The following MKNK2 variants were observed in gnomAD, a reference collection of about 807,000 sequenced individuals.
MKNK2 encodes MAP kinase-interacting serine/threonine-protein kinase 2.
In MKNK2, 54 loss-of-function variants were observed where a neutral mutation model predicts 55.0. The ratio of observed to expected loss-of-function variants is 0.98; its 90% CI spans 0.79 to 1.23. The LOEUF (loss-of-function observed/expected upper bound fraction) is 1.23, where lower values mean the gene tolerates loss of function less well. MKNK2 is among the 50% of genes most tolerant of loss of function. The pLI is 0.00. For synonymous variants in MKNK2, 323 were observed against 256.0 expected, an observed-to-expected ratio of 1.26 and a Z score of -2.50; for missense variants, 685 against 632.1, an observed-to-expected ratio of 1.08 and a Z score of -0.90.
In MKNK2 at chr19:2,038,038, C is replaced by A; in HGVS notation, c.*1575G>T. The A allele has an allele frequency of 7.7e-7, 1 of 1,291,074 alleles. No homozygotes were observed. The highest frequency in any genetic ancestry group is 2.0e-5 in the South Asian group (1 of 50,056). 80.0% of individuals were successfully genotyped at this position (1,291,074 alleles called of 1,614,324 possible). On this transcript the variant is annotated 3_prime_UTR_variant, in exon 14 of 14. Transcript: ENST00000250896. ...GGGTGGGCGGAATGCCCCACCCCCC[C>A]CAGGGGTCTTTGGAAGGGGCAGTCC...
chr19:2,038,667 G>GC lies in MKNK2; in HGVS notation c.*945dup. On this transcript the variant is annotated 3_prime_UTR_variant, in exon 14 of 14. Coordinates refer to ENST00000250896, the MANE Select transcript of MKNK2 (RefSeq NM_199054.3). ...GGAGCTTCCAGGTCAGGCCCGAGGG[G>GC]CGGCGCGAGGCAGGACGTGGCTACG... 1.0e-6 allele frequency: 1 copy of GC among 985,742 alleles called. No homozygotes were observed. Among genetic ancestry groups the GC allele is most frequent in the Non-Finnish European group, 1.2e-6 (1 of 830,130 alleles). The allele number at this position is 985,742 out of a possible 1,614,324, so 61.1% of individuals were successfully genotyped here.
Position 2,038,996 on chromosome 19 carries a change from G to T in MKNK2, c.*617C>A, listed in dbSNP as rs151164086. On this transcript the variant is annotated 3_prime_UTR_variant, in exon 14 of 14. Coordinates refer to ENST00000250896, the MANE Select transcript of MKNK2 (RefSeq NM_199054.3). Reference sequence around the variant, plus strand: ...CAACTATCATGGGGACAAGGCAGGCGCGGGTGAAGGGCTGGGGGATCCCAT... The same window carrying T: ...CAACTATCATGGGGACAAGGCAGGCTCGGGTGAAGGGCTGGGGGATCCCAT... 1,982 of 986,178 alleles carry T rather than the reference G, an allele frequency of 2.0e-3. 37 individuals carry two copies. The African/African-American group carries it at 0.031, about 16-fold the overall frequency. The allele number at this position is 986,178 out of a possible 1,614,324, so 61.1% of individuals were successfully genotyped here.
chr19:2,046,677 G>A lies in MKNK2; in HGVS notation c.66C>T (p.Phe22=), dbSNP rs202212307. The change falls in exon 3 of 14, where the codon TTC becomes TTT. Residue 22 remains phenylalanine, a synonymous_variant. Transcript: ENST00000250896. ...GCTGGTCTAGGGAGAAGGCCAGCTC[G>A]AAGGGGTTCTGCCCCTGCAGGGGAG... The part of the protein sequence containing the change: ...FHRSFKGQNP[F]ELAFSLDQPD... 40 of 1,535,054 alleles carry A rather than the reference G, an allele frequency of 2.6e-5. No homozygotes were observed. The East Asian group carries it at 5.0e-4, about 19-fold the overall frequency.
Position 2,037,933 on chromosome 19 carries a change from T to G in MKNK2, c.*1680A>C. The stretch of plus-strand genomic sequence containing the variant: ...TGCAGCGGGCGGGGGTCCATTTGCT[T>G]GTTCTTTGATACAAAAAGGCAGAGA... On this transcript the variant is annotated 3_prime_UTR_variant, in exon 14 of 14. Coordinates refer to ENST00000250896, the MANE Select transcript of MKNK2 (RefSeq NM_199054.3). The G allele has an allele frequency of 7.2e-7, 1 of 1,397,464 alleles. No homozygotes were observed. The highest frequency in any genetic ancestry group is 9.4e-7 in the Non-Finnish European group (1 of 1,062,220). 86.6% of individuals were successfully genotyped at this position (1,397,464 alleles called of 1,614,324 possible). A position where few individuals can be genotyped will look rare whatever the true frequency, so the allele number is the denominator to read the frequency against.
Position 2,041,899 on chromosome 19 carries a change from C to A in MKNK2, c.886G>T (p.Val296Leu). ...YILLSGYPPF[V>L]GRCGSDCGWD... ...CCGCAGTCGCTGCCACAGCGGCCCA[C>A]GAAGGGCGGGTAGCCGCTGAGTAGG... The change falls in exon 11 of 14, where the codon GTG becomes TTG. Residue 296 changes from valine (V) to leucine (L), a missense_variant. By Grantham distance (32) the Val-to-Leu change is conservative. Transcript: ENST00000250896. 27 of 1,544,782 alleles carry A rather than the reference C, an allele frequency of 1.7e-5. 1 individual carries two copies. The highest frequency in any genetic ancestry group is 2.4e-5 in the Non-Finnish European group (27 of 1,144,268).
intron 5 of MKNK2, among the ~76,000 whole-genome samples, 194 bp downstream of exon 5, chr19:2,045,992 C>T (rs1022363135): frequency 6.6e-6 from 1 of 152,238 alleles, no homozygotes. Context: ...GTGCCTCTGT[C>T]TGAAGCCCCC....
chr19:2,042,625 G>T lies in MKNK2; in HGVS notation c.636C>A (p.Leu212=), dbSNP rs1016560874. ...GGCCTACCTGGTTGGGGTGCTCACAGAGGATGTTTTCCGGCTTTAGGTCCC... is the reference window on the plus strand; with the variant it reads ...GGCCTACCTGGTTGGGGTGCTCACATAGGATGTTTTCCGGCTTTAGGTCCC... ...AHRDLKPENI[L]CEHPNQVSPV... Residue 212 remains leucine (L), a synonymous_variant, in exon 9 of 14, where the codon CTC becomes CTA. Coordinates refer to ENST00000250896, the MANE Select transcript of MKNK2 (RefSeq NM_199054.3). The T allele has an allele frequency of 6.4e-7, 1 of 1,565,260 alleles. No homozygotes were observed. Among genetic ancestry groups the T allele is most frequent in the African/African-American group, 1.3e-5 (1 of 74,220 alleles).
Position 2,038,058 on chromosome 19 carries a change from C to T in MKNK2, c.*1555G>A. ...CCCCCCCAGGGGTCTTTGGAAGGGG[C>T]AGTCCACAGATATGGGCAGTGGGGA... On this transcript the variant is annotated 3_prime_UTR_variant, in exon 14 of 14. Transcript: ENST00000250896. 2.4e-6 allele frequency: 3 copies of T among 1,257,668 alleles called. No individual in the cohort carries two copies. The highest frequency in any genetic ancestry group is 3.0e-6 in the Non-Finnish European group (3 of 988,922). 77.9% of individuals were successfully genotyped at this position (1,257,668 alleles called of 1,614,324 possible). A position where few individuals can be genotyped will look rare whatever the true frequency, so the allele number is the denominator to read the frequency against.
At chr19:2,045,586 C>A (rs767676641) in intron 5 of MKNK2, among the ~76,000 whole-genome samples, 1 of 152,144 alleles carries the variant, frequency 6.6e-6, no homozygotes, top group African/African-American at 2.4e-5. Context: ...AGGCTCCTGG[C>A]GAGCCCTGCT....
Position 2,037,678 on chromosome 19 carries a change from T to A in MKNK2, c.*1935A>T. 1 of 1,093,416 alleles carries A rather than the reference T, an allele frequency of 9.1e-7. No homozygotes were observed. The highest frequency in any genetic ancestry group is 1.9e-5 in the South Asian group (1 of 53,834). The allele number at this position is 1,093,416 out of a possible 1,614,324, so 67.7% of individuals were successfully genotyped here. On this transcript the variant is annotated 3_prime_UTR_variant, in exon 14 of 14. Transcript: ENST00000250896. ...TTAAAAACATCGTAACATTAACACATGGCCGTTCACCGTCCCCCAGCGATG... is the reference window on the plus strand; with the variant it reads ...TTAAAAACATCGTAACATTAACACAAGGCCGTTCACCGTCCCCCAGCGATG...
rs896574381 is a variant in MKNK2 at position 2,037,953 on chromosome 19, C to A, written c.*1660G>T. The A allele has an allele frequency of 7.2e-7, 1 of 1,387,410 alleles. No homozygotes were observed. Among genetic ancestry groups the A allele is most frequent in the Non-Finnish European group, 9.4e-7 (1 of 1,058,606 alleles). The allele number at this position is 1,387,410 out of a possible 1,614,324, so 85.9% of individuals were successfully genotyped here. A position where few individuals can be genotyped will look rare whatever the true frequency, so the allele number is the denominator to read the frequency against. Reference sequence around the variant, plus strand: ...TTGCTTGTTCTTTGATACAAAAAGGCAGAGAATCCCCCGTTACGAAACATG... The same window carrying A: ...TTGCTTGTTCTTTGATACAAAAAGGAAGAGAATCCCCCGTTACGAAACATG... On this transcript the variant is annotated 3_prime_UTR_variant, in exon 14 of 14. Coordinates refer to ENST00000250896, the MANE Select transcript of MKNK2 (RefSeq NM_199054.3).
chr19:2,040,931 G>A (rs999374436), intron 12 of MKNK2, 109 bp downstream of exon 12: 1 of 1,070,782 alleles, frequency 9.3e-7, no homozygotes, highest in Non-Finnish European at 1.4e-6. Flanking sequence ...TCAAGCCTCA[G>A]TGCATCTCAG....
intron 2 of MKNK2, among the ~76,000 whole-genome samples, chr19:2,050,353 A>G (rs1459243365): frequency 1.3e-5 from 2 of 152,198 alleles, no homozygotes; most frequent in Non-Finnish European, 2.9e-5. Flanking sequence ...AGCCACATGG[A>G]GGTGGGAATG....
At chr19:2,040,250 G>T in intron 12 of MKNK2, 73 bp from the exon 13 acceptor site, 2 of 1,259,946 alleles carry the variant, frequency 1.6e-6, no homozygotes, top group South Asian at 3.0e-5. Context: ...GGGGTGTCTG[G>T]CCAAGGGATG....
chr19:2,042,285 AC>A, intron 10 of MKNK2, 141 bp downstream of exon 10: 1 of 833,106 alleles, frequency 1.2e-6, no homozygotes, highest in South Asian at 1.8e-5. Flanking sequence ...CCGCCGCGAC[AC>A]CCCGCCCAAC....
At chr19:2,046,827 C>G (rs767280771) in intron 2 of MKNK2, 136 bp from the exon 3 acceptor site, 91 of 644,746 alleles carry the variant, frequency 1.4e-4, no homozygotes, top group Non-Finnish European at 2.1e-4. Flanking sequence ...CAACTCCGTC[C>G]CCGCTCACAC....
chr19:2,044,174 G>A (rs1268734295), intron 5 of MKNK2, among the ~76,000 whole-genome samples: 1 of 151,774 alleles, frequency 6.6e-6, no homozygotes, highest in Non-Finnish European at 1.5e-5. Flanking sequence ...CACAGGGTGG[G>A]TACCTGGTCA....
chr19:2,040,386 G>A (rs556839038), intron 12 of MKNK2: 51 of 541,054 alleles, frequency 9.4e-5, no homozygotes, highest in Admixed American at 6.5e-4. Context: ...GGGAACCCGA[G>A]GCTGGGCCAG....
chr19:2,042,269 G>C lies in MKNK2; in HGVS notation c.750+158C>G, dbSNP rs149290510. 1,283 of 778,450 alleles carry C rather than the reference G, an allele frequency of 1.6e-3. 14 individuals carry two copies. In the African/African-American group the frequency reaches 0.02, roughly 12 times the overall value. 48.2% of individuals were successfully genotyped at this position (778,450 alleles called of 1,614,324 possible). On this transcript the variant is annotated intron_variant, in intron 10 of 13. Transcript: ENST00000250896. Reference sequence around the variant, plus strand: ...CACCGACGCGTTGGGGCGCCTGCTCGAGGCCCCGCCGCGACACCCCGCCCA... The same window carrying C: ...CACCGACGCGTTGGGGCGCCTGCTCCAGGCCCCGCCGCGACACCCCGCCCA...
Sources: allele counts gnomAD v4.1 joint callset (sites outside exome capture counted in the v4.1 genomes callset), GRCh38; gene constraint gnomAD v4.1.1; transcripts MANE v1.5; gene names NCBI Gene and HGNC (gene_info 2026-07-23, HGNC 2026-07-21).